CNIH1: variants seen among roughly 807,000 people sequenced by gnomAD.
CNIH1 encodes protein cornichon homolog 1.
A neutral mutation model predicts 20.2 loss-of-function variants in CNIH1; 12 were observed. The ratio of observed to expected loss-of-function variants is 0.59; its 90% CI spans 0.38 to 0.96. The LOEUF (loss-of-function observed/expected upper bound fraction) is 0.96. Ranked by LOEUF, CNIH1 falls within the 40% of genes least tolerant of loss-of-function variation. The pLI is 0.00. For missense variants in CNIH1, 152 were observed against 178.8 expected, an observed-to-expected ratio of 0.85 and a Z score of 0.85; for synonymous variants, 69 against 63.3, an observed-to-expected ratio of 1.09 and a Z score of -0.43.
chr14:54,435,097 G>A (rs1479028759), intron 2 of CNIH1, among the ~76,000 whole-genome samples: 2 of 152,144 alleles, frequency 1.3e-5, no homozygotes, highest in Non-Finnish European at 1.5e-5. Flanking sequence ...TCTCCCCTTC[G>A]TTAAGTAATT....
Position 54,423,744 on chromosome 14 carries a change from G to A in CNIH1, c.*4070C>T, listed in dbSNP as rs779126845. The A allele has an allele frequency of 1.3e-5, 2 of 152,154 alleles. No individual in the cohort carries two copies. The highest frequency in any genetic ancestry group is 2.9e-5 in the Non-Finnish European group (2 of 68,022). The allele number at this position is 152,154 out of a possible 1,614,324, so 9.4% of individuals were successfully genotyped here. A position where few individuals can be genotyped will look rare whatever the true frequency, so the allele number is the denominator to read the frequency against. ...GTTTCTCTTAGTAGTTTTAGGGTCTGCCCAGTAATCAAGAAATTTTACTTC... is the reference window on the plus strand; with the variant it reads ...GTTTCTCTTAGTAGTTTTAGGGTCTACCCAGTAATCAAGAAATTTTACTTC... On this transcript the variant is annotated 3_prime_UTR_variant, in exon 5 of 5. Coordinates refer to ENST00000216416, the MANE Select transcript of CNIH1 (RefSeq NM_005776.3).
chr14:54,432,298 C>G (rs574687698), intron 2 of CNIH1, 78 bp from the exon 3 acceptor site: 1 of 636,178 alleles, frequency 1.6e-6, no homozygotes, highest in Non-Finnish European at 2.6e-6. Context: ...AGGTGGCAAC[C>G]AAGTTTCCAT....
Position 54,425,258 on chromosome 14 carries a change from G to C in CNIH1, c.*2556C>G, listed in dbSNP as rs1294026975. 2.0e-5 allele frequency: 3 copies of C among 152,012 alleles called. No homozygotes were observed. The highest frequency in any genetic ancestry group is 7.2e-5 in the African/African-American group (3 of 41,390). The allele number at this position is 152,012 out of a possible 1,614,324, so 9.4% of individuals were successfully genotyped here. A position where few individuals can be genotyped will look rare whatever the true frequency, so the allele number is the denominator to read the frequency against. On this transcript the variant is annotated 3_prime_UTR_variant, in exon 5 of 5. Coordinates refer to ENST00000216416, the MANE Select transcript of CNIH1 (RefSeq NM_005776.3). ...TATCCATAGCAACAAAAAGTTGTTGGTATAGATATAACCACAGTGTTACAC... is the reference window on the plus strand; with the variant it reads ...TATCCATAGCAACAAAAAGTTGTTGCTATAGATATAACCACAGTGTTACAC...
chr14:54,430,849 TGA>T (rs1204474611), intron 3 of CNIH1, among the ~76,000 whole-genome samples: 1 of 152,178 alleles, frequency 6.6e-6, no homozygotes, highest in Non-Finnish European at 1.5e-5. Context: ...GTTGTTGTTT[TGA>T]GACAGGGTCT....
intron 2 of CNIH1, among the ~76,000 whole-genome samples, chr14:54,433,871 T>C (rs1033311788): frequency 6.6e-6 from 1 of 152,212 alleles, no homozygotes; most frequent in African/African-American, 2.4e-5. Flanking sequence ...CTACCAGTTC[T>C]AATATGAAAC....
At chr14:54,436,458 T>A in intron 1 of CNIH1, 21 bp from the exon 2 acceptor site, 1 of 1,299,970 alleles carries the variant, frequency 7.7e-7, no homozygotes, top group Non-Finnish European at 1.1e-6. Flanking sequence ...ATTAAAACAG[T>A]TAGGACCACT....
chr14:54,438,867 A>G (rs2031109010), intron 1 of CNIH1, among the ~76,000 whole-genome samples: 1 of 152,128 alleles, frequency 6.6e-6, no homozygotes, highest in Non-Finnish European at 1.5e-5. Flanking sequence ...GGAGGGAATA[A>G]GTGAGTTCTC....
chr14:54,424,411 A>G lies in CNIH1; in HGVS notation c.*3403T>C, dbSNP rs553691083. 1.3e-5 allele frequency: 2 copies of G among 152,358 alleles called. No homozygotes were observed. The highest frequency in any genetic ancestry group is 2.1e-4 in the South Asian group (1 of 4,830). The allele number at this position is 152,358 out of a possible 1,614,324, so 9.4% of individuals were successfully genotyped here. On this transcript the variant is annotated 3_prime_UTR_variant, in exon 5 of 5. Coordinates refer to ENST00000216416, the MANE Select transcript of CNIH1 (RefSeq NM_005776.3). ...GATGTTAAATGACATAAATAAGTAA[A>G]CTAGACACATACTTTTAAATATAGA...
chr14:54,441,004 G>T (rs1333038650), intron 1 of CNIH1, among the ~76,000 whole-genome samples: 1 of 151,996 alleles, frequency 6.6e-6, no homozygotes, highest in Non-Finnish European at 1.5e-5. Flanking sequence ...CATCCAGTAG[G>T]GGAGGAGTAG....
At chr14:54,436,545 A>T in intron 1 of CNIH1, 108 bp from the exon 2 acceptor site, 1 of 659,810 alleles carries the variant, frequency 1.5e-6, no homozygotes, top group South Asian at 1.8e-5. Context: ...GAACAAAAGT[A>T]CACCAAGATC....
At chr14:54,429,540 C>T (rs971936009) in intron 4 of CNIH1, among the ~76,000 whole-genome samples, 1 of 152,196 alleles carries the variant, frequency 6.6e-6, no homozygotes, top group African/African-American at 2.4e-5. Context: ...GGGCGGATCA[C>T]CTGAGGTCGG....
intron 1 of CNIH1, chr14:54,436,924 TGTG>T (rs1358240423): frequency 3.0e-6 from 1 of 333,886 alleles, no homozygotes; most frequent in Non-Finnish European, 5.8e-6. Context: ...CACCCTGGAG[TGTG>T]GTATTTACAC....
intron 1 of CNIH1, among the ~76,000 whole-genome samples, chr14:54,439,180 G>T (rs1017806093): frequency 6.6e-6 from 1 of 152,140 alleles, no homozygotes; most frequent in Non-Finnish European, 1.5e-5. Context: ...ATGGGTAATA[G>T]AAAAATTAAA....
At chr14:54,439,952 T>G (rs1248646619) in intron 1 of CNIH1, among the ~76,000 whole-genome samples, 1 of 152,216 alleles carries the variant, frequency 6.6e-6, no homozygotes, top group South Asian at 2.1e-4. Flanking sequence ...CTGAAGATGC[T>G]CTTCAAATTA....
At chr14:54,438,380 T>C (rs1460231344) in intron 1 of CNIH1, among the ~76,000 whole-genome samples, 1 of 152,180 alleles carries the variant, frequency 6.6e-6, no homozygotes, top group Non-Finnish European at 1.5e-5. Flanking sequence ...GATTTTCAAA[T>C]CTTTTTGCAG....
Position 54,432,183 on chromosome 14 carries a change from C to A in CNIH1, c.188G>T (p.Cys63Phe). 6.4e-7 allele frequency: 1 copy of A among 1,561,978 alleles called. No individual in the cohort carries two copies. Among genetic ancestry groups the A allele is most frequent in the Non-Finnish European group, 8.7e-7 (1 of 1,152,390 alleles). ...CTCTGCTGCACAAAGAAACATGACA[C>A]AGAAGAAAGCGTGGATGAGGTACTC... Reference protein sequence around the residue: ...LPEYLIHAFFCVMFLCAAEWL... With the variant: ...LPEYLIHAFFFVMFLCAAEWL... Residue 63 changes from cysteine to phenylalanine, a missense_variant, in exon 3 of 5, where the codon TGT becomes TTT. Transcript: ENST00000216416.
rs189784535 is a variant in CNIH1, at chr14:54,425,046, C to G, written c.*2768G>C. On this transcript the variant is annotated 3_prime_UTR_variant, in exon 5 of 5. Transcript: ENST00000216416. ...CCCTGGAATGAGGAGTGAGGAATAT[C>G]ATTAAGCATTGAGAAAACTGTCAAA... 6.6e-6 allele frequency: 1 copy of G among 152,312 alleles called. No homozygotes were observed. The highest frequency in any genetic ancestry group is 1.9e-4 in the East Asian group (1 of 5,186). 9.4% of individuals were successfully genotyped at this position (152,312 alleles called of 1,614,324 possible). A position where few individuals can be genotyped will look rare whatever the true frequency, so the allele number is the denominator to read the frequency against.
intron 1 of CNIH1, among the ~76,000 whole-genome samples, chr14:54,438,078 C>T (rs944609028): frequency 1.5e-4 from 23 of 151,862 alleles, no homozygotes; most frequent in Non-Finnish European, 2.4e-4. Context: ...CTCCTCGGCT[C>T]AAATGATTCT....
In CNIH1 at chr14:54,424,770, TACTGCAA is replaced by T; in HGVS notation, c.*3037_*3043del. 6.6e-6 allele frequency: 1 copy of T among 152,184 alleles called. No individual in the cohort carries two copies. Among genetic ancestry groups the T allele is most frequent in the Middle Eastern group, 3.2e-3 (1 of 316 alleles). The allele number at this position is 152,184 out of a possible 1,614,324, so 9.4% of individuals were successfully genotyped here. A position where few individuals can be genotyped will look rare whatever the true frequency, so the allele number is the denominator to read the frequency against. The stretch of plus-strand genomic sequence containing the variant: ...CTGAACTGGCTTTAAAAGAGACACA[TACTGCAA>T]ACTGCTGTGTACTTTGTTGCCATGT... On this transcript the variant is annotated 3_prime_UTR_variant, in exon 5 of 5. Transcript: ENST00000216416.
Sources: allele counts gnomAD v4.1 joint callset (sites outside exome capture counted in the v4.1 genomes callset), GRCh38; gene constraint gnomAD v4.1.1; transcripts MANE v1.5; gene names NCBI Gene and HGNC (gene_info 2026-07-23, HGNC 2026-07-21).